Variants in EYS observed in about 807,000 individuals in gnomAD.
EYS encodes EGF-like photoreceptor maintenance factor, also known as protein eyes shut homolog.
A neutral mutation model predicts 282.1 loss-of-function variants in EYS; 250 were observed. That is an observed-to-expected ratio of 0.89 (90% CI 0.80 to 0.98). EYS has a LOEUF of 0.98. EYS is among the 50% of genes least tolerant of loss of function. The pLI, the probability that EYS is intolerant of heterozygous loss-of-function variation, is 0.00. For missense variants in EYS, 4,016 were observed against 3,709.0 expected (o/e 1.08, Z -2.15); for synonymous variants, 1,355 against 1,282.9 (o/e 1.06, Z -1.20).
At chr6:65,641,933 C>T (rs929255108) in intron 1 of EYS, among the ~76,000 whole-genome samples, 1 of 152,006 alleles carries the variant, frequency 6.6e-6, no homozygotes, top group African/African-American at 2.4e-5. Flanking sequence ...CAGAGTAATC[C>T]ACGAAAAGAT....
intron 19 of EYS, among the ~76,000 whole-genome samples, chr6:64,870,295 C>T (rs1165219273): frequency 6.6e-6 from 1 of 151,502 alleles, no homozygotes; most frequent in African/African-American, 2.4e-5. Context: ...ATTGTGAATA[C>T]TCAAAAGTCA....
intron 31 of EYS, among the ~76,000 whole-genome samples, chr6:64,102,690 A>G (rs1242421852): frequency 2.6e-5 from 4 of 152,162 alleles, no homozygotes; most frequent in Non-Finnish European, 5.9e-5. Context: ...CTTTTACATA[A>G]TGATTTTTAA....
chr6:65,213,241 C>A (rs1766218857), intron 12 of EYS, among the ~76,000 whole-genome samples: 1 of 152,196 alleles, frequency 6.6e-6, no homozygotes, highest in South Asian at 2.1e-4. Flanking sequence ...GAACTGTCAT[C>A]CGTGTGCGCA....
At chr6:63,859,095 T>TAAA (rs754652874) in intron 36 of EYS, among the ~76,000 whole-genome samples, 3 of 123,478 alleles carry the variant, frequency 2.4e-5, no homozygotes, top group South Asian at 2.7e-4. Context: ...TTTTTTTTTT[T>TAAA]TTTTTTTTTT....
intron 29 of EYS, among the ~76,000 whole-genome samples, chr6:64,342,509 A>C (rs1456152589): frequency 6.6e-6 from 1 of 152,018 alleles, no homozygotes; most frequent in Non-Finnish European, 1.5e-5. Context: ...ACAAACAAGC[A>C]AATGCTGAGA....
chr6:64,585,095 G>A (rs1766191996), intron 26 of EYS, among the ~76,000 whole-genome samples: 1 of 152,044 alleles, frequency 6.6e-6, no homozygotes, highest in South Asian at 2.1e-4. Flanking sequence ...ATGATGGACT[G>A]TATAAAAGGT....
chr6:64,780,428 A>G (rs1432204764), intron 22 of EYS, among the ~76,000 whole-genome samples: 2 of 152,150 alleles, frequency 1.3e-5, no homozygotes, highest in African/African-American at 2.4e-5. Flanking sequence ...AAAATCAAAT[A>G]CTACACGTTC....
At chr6:64,840,497 T>A (rs1780377337) in intron 19 of EYS, among the ~76,000 whole-genome samples, 1 of 152,260 alleles carries the variant, frequency 6.6e-6, no homozygotes, top group South Asian at 2.1e-4. Flanking sequence ...TGGGAGAACA[T>A]TTTAGATTCC....
intron 30 of EYS, among the ~76,000 whole-genome samples, chr6:64,261,011 A>AT (rs1767570913): frequency 6.6e-5 from 1 of 15,212 alleles, no homozygotes; most frequent in Non-Finnish European, 1.8e-4. Flanking sequence ...AGCACTTATC[A>AT]TTTTTTTGTG....
At chr6:64,343,686 A>G (rs1771232753) in intron 29 of EYS, among the ~76,000 whole-genome samples, 2 of 152,164 alleles carry the variant, frequency 1.3e-5, no homozygotes, top group African/African-American at 4.8e-5. Context: ...AAGCTAGCAG[A>G]AGGCAAGAAG....
intron 27 of EYS, among the ~76,000 whole-genome samples, chr6:64,437,749 T>TC (rs2150465205): frequency 6.7e-6 from 1 of 149,512 alleles, no homozygotes; most frequent in South Asian, 2.1e-4. Context: ...TTTTTTTCCT[T>TC]TTTTTTTTGG....
At chr6:64,030,790 A>G (rs905215559) in intron 33 of EYS, among the ~76,000 whole-genome samples, 2 of 152,164 alleles carry the variant, frequency 1.3e-5, no homozygotes, top group African/African-American at 4.8e-5. Flanking sequence ...TACAAATGGA[A>G]CCCCAAATCA....
chr6:64,833,424 T>C (rs550386570), intron 19 of EYS, among the ~76,000 whole-genome samples: 2 of 152,004 alleles, frequency 1.3e-5, no homozygotes, highest in East Asian at 3.9e-4. Context: ...AATATTGAAA[T>C]GTTAAGTAAC....
chr6:64,095,707 C>T (rs1342072772), intron 31 of EYS, among the ~76,000 whole-genome samples: 1 of 152,148 alleles, frequency 6.6e-6, no homozygotes, highest in African/African-American at 2.4e-5. Flanking sequence ...ACTCTTTATC[C>T]AATTTGCCAG....
intron 19 of EYS, among the ~76,000 whole-genome samples, chr6:64,876,080 T>C (rs760937929): frequency 2.6e-5 from 4 of 152,068 alleles, no homozygotes; most frequent in African/African-American, 2.4e-5. Context: ...AGTCTAAATT[T>C]TGTGTTTTAC....
At chr6:64,981,426 T>C (rs1770661477) in intron 14 of EYS, among the ~76,000 whole-genome samples, 2 of 151,214 alleles carry the variant, frequency 1.3e-5, no homozygotes, top group East Asian at 3.9e-4. Context: ...AATTCACTTT[T>C]GTTCATGTTT....
intron 22 of EYS, among the ~76,000 whole-genome samples, chr6:64,740,482 C>T (rs1357031291): frequency 1.3e-5 from 2 of 152,030 alleles, no homozygotes; most frequent in African/African-American, 4.8e-5. Flanking sequence ...ACTTTTAATG[C>T]TAATCTTTAT....
At chr6:64,038,721 T>A (rs1451900190) in intron 33 of EYS, among the ~76,000 whole-genome samples, 1 of 151,846 alleles carries the variant, frequency 6.6e-6, no homozygotes, top group Non-Finnish European at 1.5e-5. Context: ...TCTGAAGATG[T>A]CTTCACAAAG....
rs1769687187 is a variant in EYS at position 65,328,554 on chromosome 6, A to G, written c.1766+6426T>C. Among the ~76,000 whole-genome samples the G allele has an allele frequency of 4.6e-5, 7 of 151,298 alleles. No individual in the cohort carries two copies. The South Asian group carries it at 1.5e-3, about 31-fold the overall frequency. ...GATATCTTGAAAATATGTAAATCTA[A>G]AGAAATTTTCTTTGAGAAATCAAAT... On this transcript the variant is annotated intron_variant, in intron 11 of 42. Transcript: ENST00000503581.
Sources: gnomAD v4.1 joint callset for allele counts (sites outside exome capture counted in the v4.1 genomes callset) on GRCh38, gnomAD v4.1.1 for gene constraint, MANE v1.5 for transcripts, NCBI Gene and HGNC (gene_info 2026-07-23, HGNC 2026-07-21) for gene names.